The following OR3A2 variants were observed in gnomAD, a reference collection of about 807,000 sequenced individuals.
OR3A2 encodes olfactory receptor 3A2.
For synonymous variants in OR3A2, 126 were observed against 159.3 expected, an observed-to-expected ratio of 0.79 and a Z score of 1.57; for missense variants, 318 against 392.8, an observed-to-expected ratio of 0.81 and a Z score of 1.61.
intron 2 of OR3A2, among the ~76,000 whole-genome samples, chr17:3,357,409 C>T (rs2049472610): frequency 6.6e-6 from 1 of 151,518 alleles, no homozygotes; most frequent in Non-Finnish European, 1.5e-5. Context: ...AAATAAAAAG[C>T]CAGATGAAAT....
At chr17:3,383,222 T>C (rs2049753357) in intron 2 of OR3A2, among the ~76,000 whole-genome samples, 1 of 152,192 alleles carries the variant, frequency 6.6e-6, no homozygotes, top group South Asian at 2.1e-4. Context: ...GAATCATTTG[T>C]AGAAGTCACA....
At chr17:3,347,168 G>A (rs1268326454) in intron 2 of OR3A2, among the ~76,000 whole-genome samples, 1 of 151,888 alleles carries the variant, frequency 6.6e-6, no homozygotes, top group African/African-American at 2.4e-5. Context: ...GGTGTATAAG[G>A]GTTCCCTTTT....
At chr17:3,384,857 A>C (rs1183115974) in intron 1 of OR3A2, among the ~76,000 whole-genome samples, 1 of 152,182 alleles carries the variant, frequency 6.6e-6, no homozygotes, top group Non-Finnish European at 1.5e-5. Flanking sequence ...CATATGGACC[A>C]CAAGCCTAAA....
upstream of OR3A2, among the ~76,000 whole-genome samples, chr17:3,287,125 A>G (rs1320774404): frequency 6.6e-6 from 1 of 152,190 alleles, no homozygotes; most frequent in Non-Finnish European, 1.5e-5. Context: ...TAAACCCTGG[A>G]ATCTACTTTA....
intron 2 of OR3A2, among the ~76,000 whole-genome samples, chr17:3,366,159 A>G (rs987001576): frequency 3.3e-5 from 5 of 152,238 alleles, no homozygotes; most frequent in African/African-American, 1.2e-4. Context: ...TTCACTGTCC[A>G]AACGATGATC....
chr17:3,331,607 TAC>T (rs2049235253), intron 3 of OR3A2, among the ~76,000 whole-genome samples: 1 of 152,044 alleles, frequency 6.6e-6, no homozygotes, highest in Admixed American at 6.6e-5. Flanking sequence ...ATTCTACTTA[TAC>T]ATTCTTCTAA....
intron 3 of OR3A2, among the ~76,000 whole-genome samples, chr17:3,300,997 C>T (rs1243278481): frequency 1.3e-5 from 2 of 152,098 alleles, no homozygotes; most frequent in Non-Finnish European, 2.9e-5. Flanking sequence ...CAGCTTCATC[C>T]CTGTCCTTAC....
intron 3 of OR3A2, among the ~76,000 whole-genome samples, chr17:3,318,846 G>A (rs777274164): frequency 5.9e-5 from 9 of 152,164 alleles, no homozygotes; most frequent in South Asian, 2.1e-4. Flanking sequence ...AATTCAGTGC[G>A]AGAGGGCCAC....
At chr17:3,337,461 TC>T (rs1369881144) in intron 2 of OR3A2, among the ~76,000 whole-genome samples, 1 of 152,074 alleles carries the variant, frequency 6.6e-6, no homozygotes, top group Non-Finnish European at 1.5e-5. Context: ...TGTGTGATGT[TC>T]CCCGCCCTGT....
upstream of OR3A2, among the ~76,000 whole-genome samples, chr17:3,287,173 TG>T (rs974449758): frequency 1.3e-5 from 2 of 152,200 alleles, no homozygotes; most frequent in African/African-American, 2.4e-5. Flanking sequence ...GATCTTGGGA[TG>T]GGGACATCAC....
chr17:3,343,792 T>C (rs1427952640), intron 2 of OR3A2, among the ~76,000 whole-genome samples: 1 of 152,146 alleles, frequency 6.6e-6, no homozygotes, highest in East Asian at 1.9e-4. Context: ...CTAGTTTTCA[T>C]CCAGCCTCCA....
intron 3 of OR3A2, among the ~76,000 whole-genome samples, chr17:3,332,136 T>C (rs961749405): frequency 6.6e-6 from 1 of 152,216 alleles, no homozygotes; most frequent in African/African-American, 2.4e-5. Flanking sequence ...GACAGGGACA[T>C]TTAAGTCTGC....
chr17:3,325,401 G>A (rs917674653), intron 3 of OR3A2, among the ~76,000 whole-genome samples: 7 of 151,582 alleles, frequency 4.6e-5, no homozygotes, highest in African/African-American at 7.3e-5. Flanking sequence ...GTAGAGATGC[G>A]GTTTCACCAG....
At chr17:3,344,259 T>C (rs2049344889) in intron 2 of OR3A2, among the ~76,000 whole-genome samples, 1 of 152,134 alleles carries the variant, frequency 6.6e-6, no homozygotes, top group South Asian at 2.1e-4. Flanking sequence ...TTCCACCAAA[T>C]TCAAATTTTT....
chr17:3,330,589 T>G (rs1440821005), intron 3 of OR3A2, among the ~76,000 whole-genome samples: 1 of 152,124 alleles, frequency 6.6e-6, no homozygotes, highest in Non-Finnish European at 1.5e-5. Context: ...ATCCTTTTAT[T>G]TTGAGCCTAT....
intron 3 of OR3A2, among the ~76,000 whole-genome samples, chr17:3,304,909 T>C (rs1407452548): frequency 1.3e-5 from 2 of 152,228 alleles, no homozygotes; most frequent in East Asian, 1.9e-4. Context: ...TAAAGGCATA[T>C]GCACTGTACG....
At chr17:3,347,481 G>C (rs1017839820) in intron 2 of OR3A2, among the ~76,000 whole-genome samples, 11 of 152,114 alleles carry the variant, frequency 7.2e-5, no homozygotes, top group Non-Finnish European at 1.3e-4. Context: ...ACCTATGAGT[G>C]AGAACATGCG....
Position 3,278,326 on chromosome 17 carries a change from T to C in OR3A2, c.592A>G (p.Asn198Asp), listed in dbSNP as rs2048754500. 2 of 1,614,000 alleles carry C rather than the reference T, an allele frequency of 1.2e-6. 1 individual carries two copies. Among genetic ancestry groups the C allele is most frequent in the South Asian group, 2.2e-5 (2 of 91,078 alleles). Reference sequence around the variant, plus strand: ...CCCACAGCAAAGAGCAGCAGCTCATTGAGTTGGGTGCTGGAGCAGGAGAGC... The same window carrying C: ...CCCACAGCAAAGAGCAGCAGCTCATCGAGTTGGGTGCTGGAGCAGGAGAGC... Residue 198 changes from asparagine (N) to aspartate (D), a missense_variant, in exon 2 of 2, where the codon AAT becomes GAT. By Grantham distance (23) the Asn-to-Asp change is conservative. Transcript: ENST00000642052.
intron 3 of OR3A2, among the ~76,000 whole-genome samples, chr17:3,306,918 A>G (rs1431536242): frequency 1.3e-5 from 2 of 152,244 alleles, no homozygotes; most frequent in African/African-American, 2.4e-5. Flanking sequence ...TCACTCTTAT[A>G]CTTCCAAGTT....
Sources: allele counts gnomAD v4.1 joint callset (sites outside exome capture counted in the v4.1 genomes callset), GRCh38; gene constraint gnomAD v4.1.1; transcripts MANE v1.5; gene names NCBI Gene and HGNC (gene_info 2026-07-23, HGNC 2026-07-21).